RBFOX1: variants seen among roughly 807,000 people sequenced by gnomAD.
RBFOX1 encodes the protein RNA binding protein fox-1 homolog 1.
RBFOX1 carries 8 observed loss-of-function variants against 57.7 expected under a neutral mutation model. That is an observed-to-expected ratio of 0.14 (90% CI 0.08 to 0.25). The LOEUF (loss-of-function observed/expected upper bound fraction) is 0.25. Ranked by LOEUF, RBFOX1 falls within the 10% of genes least tolerant of loss-of-function variation. The pLI, the probability that RBFOX1 is intolerant of heterozygous loss-of-function variation, is 1.00. For missense variants in RBFOX1, 611 were observed against 548.5 expected, an observed-to-expected ratio of 1.11 and a Z score of -1.14; for synonymous variants, 326 against 222.4, an observed-to-expected ratio of 1.47 and a Z score of -4.15.
chr16:6,864,303 C>G (rs368793480), intron 3 of RBFOX1, among the ~76,000 whole-genome samples: 1 of 152,124 alleles, frequency 6.6e-6, no homozygotes, highest in African/African-American at 2.4e-5. Context: ...ACACTTCATT[C>G]TTTCCTTATC....
intron 3 of RBFOX1, among the ~76,000 whole-genome samples, chr16:5,695,008 G>A (rs1039344630): frequency 6.6e-6 from 1 of 151,904 alleles, no homozygotes; most frequent in African/African-American, 2.4e-5. Flanking sequence ...ACAGAATATG[G>A]ATGACATTTA....
intron 4 of RBFOX1, among the ~76,000 whole-genome samples, chr16:7,235,384 A>C (rs2093716473): frequency 6.6e-6 from 1 of 152,222 alleles, no homozygotes; most frequent in African/African-American, 2.4e-5. Flanking sequence ...AGGCAAGAGA[A>C]TGAGTAAGTG....
chr16:6,758,636 AC>A (rs2076165621), intron 3 of RBFOX1, among the ~76,000 whole-genome samples: 1 of 152,210 alleles, frequency 6.6e-6, no homozygotes, highest in African/African-American at 2.4e-5. Context: ...TATGCCTAAG[AC>A]TTTTAAAGCA....
At chr16:7,368,757 G>C (rs989955214) in intron 4 of RBFOX1, among the ~76,000 whole-genome samples, 4 of 145,646 alleles carry the variant, frequency 2.7e-5, no homozygotes, top group Non-Finnish European at 4.5e-5. Context: ...TCCAGCCTGG[G>C]TGACAGAGCG....
chr16:7,380,407 C>G (rs1208395124), intron 4 of RBFOX1, among the ~76,000 whole-genome samples: 1 of 152,066 alleles, frequency 6.6e-6, no homozygotes, highest in East Asian at 1.9e-4. Context: ...ATATAAATGA[C>G]TTTATGTCTA....
At chr16:6,932,028 C>T (rs958050736) in intron 3 of RBFOX1, among the ~76,000 whole-genome samples, 3 of 152,166 alleles carry the variant, frequency 2.0e-5, no homozygotes, top group African/African-American at 4.8e-5. Flanking sequence ...CAGTAGCTAA[C>T]CTCCTGCAAC....
At chr16:7,622,354 A>C (rs1395930383) in intron 10 of RBFOX1, among the ~76,000 whole-genome samples, 1 of 152,234 alleles carries the variant, frequency 6.6e-6, no homozygotes, top group Non-Finnish European at 1.5e-5. Flanking sequence ...CAGGATACCC[A>C]GTGATTCTCA....
intron 1 of RBFOX1, among the ~76,000 whole-genome samples, chr16:6,074,053 A>G (rs1056625497): frequency 2.0e-5 from 3 of 152,032 alleles, no homozygotes; most frequent in Non-Finnish European, 2.9e-5. Flanking sequence ...GGTCCCTGCC[A>G]TTCTCCTGCC....
chr16:7,633,231 A>G (rs1470294956), intron 11 of RBFOX1, among the ~76,000 whole-genome samples: 1 of 152,202 alleles, frequency 6.6e-6, no homozygotes, highest in African/African-American at 2.4e-5. Context: ...CTGATCTCCA[A>G]TTTAAAGGGT....
At chr16:6,817,049 C>G (rs1282760026) in intron 3 of RBFOX1, among the ~76,000 whole-genome samples, 1 of 152,112 alleles carries the variant, frequency 6.6e-6, no homozygotes. Context: ...TGCTCAGCCT[C>G]TTTGACATAA....
chr16:5,881,182 C>G (rs576311448), intron 4 of RBFOX1, among the ~76,000 whole-genome samples: 2 of 152,170 alleles, frequency 1.3e-5, no homozygotes, highest in Non-Finnish European at 2.9e-5. Flanking sequence ...AGTGAAGAAT[C>G]CTCTCCATCT....
At chr16:7,345,663 C>G (rs925484982) in intron 4 of RBFOX1, among the ~76,000 whole-genome samples, 2 of 152,184 alleles carry the variant, frequency 1.3e-5, no homozygotes, top group Non-Finnish European at 2.9e-5. Context: ...AGAGCTCCCA[C>G]TTGCTGCCGG....
chr16:6,126,892 C>G (rs939682722), intron 1 of RBFOX1, among the ~76,000 whole-genome samples: 9 of 152,142 alleles, frequency 5.9e-5, no homozygotes, highest in South Asian at 4.1e-4. Context: ...TACAAAGAAG[C>G]AAACAGCTCA....
chr16:6,618,749 C>G (rs1567908228), intron 2 of RBFOX1, among the ~76,000 whole-genome samples: 1 of 152,112 alleles, frequency 6.6e-6, no homozygotes, highest in South Asian at 2.1e-4. Context: ...AAGCTGGCTG[C>G]TCATGGTAAA....
chr16:5,458,084 A>G (rs1267361304), intron 1 of RBFOX1, among the ~76,000 whole-genome samples: 1 of 152,260 alleles, frequency 6.6e-6, no homozygotes, highest in Non-Finnish European at 1.5e-5. Flanking sequence ...TCATTTGTGT[A>G]AATCATTAAT....
intron 4 of RBFOX1, among the ~76,000 whole-genome samples, chr16:7,148,196 T>C (rs929258470): frequency 6.6e-6 from 1 of 152,160 alleles, no homozygotes; most frequent in Non-Finnish European, 1.5e-5. Context: ...CTGCCTGGGG[T>C]CTGTTAGATC....
chr16:7,288,133 A>G (rs1022104189), intron 4 of RBFOX1, among the ~76,000 whole-genome samples: 1 of 152,142 alleles, frequency 6.6e-6, no homozygotes, highest in African/African-American at 2.4e-5. Flanking sequence ...TAACAGGGAA[A>G]TCCTAGAGTG....
intron 2 of RBFOX1, among the ~76,000 whole-genome samples, chr16:5,575,947 G>A (rs913387673): frequency 6.6e-6 from 1 of 151,852 alleles, no homozygotes; most frequent in Non-Finnish European, 1.5e-5. Flanking sequence ...TGCTTCTTTG[G>A]CTGGGGGGAG....
intron 4 of RBFOX1, among the ~76,000 whole-genome samples, chr16:7,190,700 A>G (rs980244958): frequency 6.7e-6 from 1 of 149,302 alleles, no homozygotes; most frequent in Non-Finnish European, 1.5e-5. Flanking sequence ...CATTCCATCA[A>G]CAAACAGATC....
Sources: allele counts gnomAD v4.1 joint callset (sites outside exome capture counted in the v4.1 genomes callset), GRCh38; gene constraint gnomAD v4.1.1; transcripts MANE v1.5; gene names NCBI Gene and HGNC (gene_info 2026-07-23, HGNC 2026-07-21).